Variants in RABGAP1L observed in about 807,000 individuals in gnomAD.
The protein encoded by RABGAP1L is rab GTPase-activating protein 1-like.
A neutral mutation model predicts 137.7 loss-of-function variants in RABGAP1L; 63 were observed. The observed-to-expected ratio is 0.46, with a 90% CI of 0.37 to 0.56. The LOEUF (loss-of-function observed/expected upper bound fraction) is 0.56, where lower values mean the gene tolerates loss of function less well. RABGAP1L is among the 20% of genes least tolerant of loss of function. The pLI is 0.00. For missense variants in RABGAP1L, 1,095 were observed against 1,244.0 expected, an observed-to-expected ratio of 0.88 and a Z score of 1.80; for synonymous variants, 431 against 433.7, an observed-to-expected ratio of 0.99 and a Z score of 0.08.
chr1:174,512,290 A>T (rs763928887), intron 13 of RABGAP1L, among the ~76,000 whole-genome samples: 1 of 152,212 alleles, frequency 6.6e-6, no homozygotes, highest in Non-Finnish European at 1.5e-5. Flanking sequence ...AACTGACACT[A>T]TTCTCAGGGA....
intron 19 of RABGAP1L, among the ~76,000 whole-genome samples, chr1:174,924,588 C>T (rs751336996): frequency 4.6e-5 from 7 of 151,910 alleles, no homozygotes. Flanking sequence ...ATTACTTTTC[C>T]CCAGGCCCAG....
chr1:174,861,533 A>G (rs1289548192), intron 19 of RABGAP1L, among the ~76,000 whole-genome samples: 3 of 152,126 alleles, frequency 2.0e-5, no homozygotes, highest in Non-Finnish European at 4.4e-5. Context: ...CCTCTGTACT[A>G]TTCTTCATAG....
chr1:174,240,517 G>A (rs1481495336), intron 4 of RABGAP1L, among the ~76,000 whole-genome samples: 2 of 152,180 alleles, frequency 1.3e-5, no homozygotes, highest in African/African-American at 4.8e-5. Flanking sequence ...TAAAGTGTTG[G>A]GATTACAGGC....
At chr1:174,877,988 C>T (rs756424517) in intron 19 of RABGAP1L, among the ~76,000 whole-genome samples, 34 of 152,160 alleles carry the variant, frequency 2.2e-4, no homozygotes, top group Non-Finnish European at 4.0e-4. Flanking sequence ...ACCTAAACAT[C>T]AGGTAACTTT....
intron 13 of RABGAP1L, among the ~76,000 whole-genome samples, chr1:174,621,340 C>T (rs1295474367): frequency 2.6e-5 from 4 of 152,080 alleles, no homozygotes; most frequent in Admixed American, 6.6e-5. Flanking sequence ...CTTCACAGAA[C>T]TGGAGAAAAC....
intron 9 of RABGAP1L, 113 bp from the exon 10 acceptor site, chr1:174,278,500 A>G (rs1280397389): frequency 2.6e-6 from 2 of 762,860 alleles, no homozygotes; most frequent in East Asian, 5.3e-5. Flanking sequence ...AAATAAACAT[A>G]GAAGGTATTA....
At position 174,963,873 on chromosome 1, in the gene RABGAP1L, C is replaced by A. The variant is rs116120976; in HGVS notation, c.2434-5404C>A. ...CAATTTACACTAGAAGTTTGCTGAC[C>A]CCTGTGCAAGAGTATAACCTAAGAT... On this transcript the variant is annotated intron_variant, in intron 20 of 25. Transcript: ENST00000681986. Among the ~76,000 whole-genome samples, 1,216 of 152,060 alleles carry A rather than the reference C, an allele frequency of 8.0e-3. 6 individuals are homozygous for A. The highest frequency in any genetic ancestry group is 0.012 in the Non-Finnish European group (834 of 67,986).
intron 13 of RABGAP1L, among the ~76,000 whole-genome samples, chr1:174,572,927 T>C (rs1668091832): frequency 1.3e-5 from 2 of 151,742 alleles, no homozygotes; most frequent in Admixed American, 1.3e-4. Context: ...CTCATCTCTC[T>C]TGGGAGAAAT....
chr1:174,660,630 C>T (rs1240965231), intron 14 of RABGAP1L, among the ~76,000 whole-genome samples: 1 of 152,196 alleles, frequency 6.6e-6, no homozygotes, highest in Non-Finnish European at 1.5e-5. Context: ...CCACATATGA[C>T]TATTCTCTCT....
At chr1:174,358,641 A>G (rs1304069957) in intron 11 of RABGAP1L, among the ~76,000 whole-genome samples, 2 of 152,168 alleles carry the variant, frequency 1.3e-5, no homozygotes, top group East Asian at 3.9e-4. Flanking sequence ...TCTCAGCCAC[A>G]GGGAGTCCAT....
chr1:174,213,743 ATGATGATTTCAGT>A (rs534018901), intron 1 of RABGAP1L, among the ~76,000 whole-genome samples: 119 of 152,310 alleles, frequency 7.8e-4, no homozygotes, highest in African/African-American at 2.8e-3. Context: ...ATGATTTCAG[ATGATGATTTCAGT>A]TGATGATAAA....
chr1:174,960,082 A>G (rs1277435911), intron 20 of RABGAP1L, among the ~76,000 whole-genome samples: 1 of 152,178 alleles, frequency 6.6e-6, no homozygotes, highest in Non-Finnish European at 1.5e-5. Context: ...GCACCAGTTC[A>G]GTAACAACCC....
Position 174,915,763 on chromosome 1 carries a change from T to G in RABGAP1L, c.2341-41694T>G, listed in dbSNP as rs115404781. Among the ~76,000 whole-genome samples, 68 of 152,304 alleles carry G rather than the reference T, an allele frequency of 4.5e-4. No individual in the cohort carries two copies. The South Asian group carries it at 0.012, about 26-fold the overall frequency. The stretch of plus-strand genomic sequence containing the variant: ...AGCCACCACTCCCAGCCTTTGCCCA[T>G]TTTTAAATTGGGTTATTTGTCTTCC... On this transcript the variant is annotated intron_variant, in intron 19 of 25. Coordinates refer to ENST00000681986, the MANE Select transcript of RABGAP1L (RefSeq NM_001366446.1).
At chr1:174,431,684 A>G (rs918460360) in intron 13 of RABGAP1L, among the ~76,000 whole-genome samples, 1 of 152,204 alleles carries the variant, frequency 6.6e-6, no homozygotes, top group Non-Finnish European at 1.5e-5. Flanking sequence ...TTCATAAAAT[A>G]TAGAGTTATG....
chr1:174,301,582 C>T (rs2142863), intron 10 of RABGAP1L, among the ~76,000 whole-genome samples: 31,741 of 151,430 alleles, frequency 0.21, 3,668 homozygotes, highest in Admixed American at 0.24. Flanking sequence ...AATAGGATCA[C>T]GCTGAGAATT....
chr1:174,694,295 C>A (rs565812918), intron 15 of RABGAP1L, among the ~76,000 whole-genome samples: 1 of 151,708 alleles, frequency 6.6e-6, no homozygotes, highest in Non-Finnish European at 1.5e-5. Flanking sequence ...GTGCGCTGCA[C>A]CCACTAACTC....
chr1:174,427,142 TTATGTGTGTGTG>T (rs1652050423), intron 13 of RABGAP1L, among the ~76,000 whole-genome samples: 1 of 115,466 alleles, frequency 8.7e-6, no homozygotes, highest in African/African-American at 3.4e-5. Context: ...CTCCGCATGT[TTATGTGTGTGTG>T]TGTGTGTGTG....
chr1:174,448,122 C>T lies in RABGAP1L; in HGVS notation c.1710+53977C>T. The T allele has an allele frequency of 6.2e-7, 1 of 1,609,968 alleles. No individual in the cohort carries two copies. The highest frequency in any genetic ancestry group is 8.5e-7 in the Non-Finnish European group (1 of 1,177,598). ...TTAAATTTCCAAGCCATGAATGAAT[C>T]CAGGTGGACTGAATGGAGGATCCTG... On this transcript the variant is annotated intron_variant, in intron 13 of 25. Coordinates refer to ENST00000681986, the MANE Select transcript of RABGAP1L (RefSeq NM_001366446.1). The surrounding 1 kb of genome is among the most constrained non-coding windows in gnomAD (Gnocchi z 4.2).
intron 11 of RABGAP1L, among the ~76,000 whole-genome samples, chr1:174,351,098 G>A (rs1478371429): frequency 8.7e-6 from 1 of 114,682 alleles, no homozygotes; most frequent in Non-Finnish European, 1.9e-5. Context: ...GGGGGAGGGG[G>A]AGGGGTTGTT....
Sources: gnomAD v4.1 joint callset for allele counts (sites outside exome capture counted in the v4.1 genomes callset) on GRCh38, gnomAD v4.1.1 for gene constraint, Gnocchi (gnomAD v3.1) non-coding constraint, MANE v1.5 for transcripts, NCBI Gene and HGNC (gene_info 2026-07-23, HGNC 2026-07-21) for gene names.